APOB: variants seen among roughly 807,000 people sequenced by gnomAD.
APOB encodes the protein apolipoprotein B, also known as apolipoprotein B-100.
In APOB, 153 loss-of-function variants were observed where a neutral mutation model predicts 314.1. The observed-to-expected ratio is 0.49, with a 90% CI of 0.43 to 0.56. The LOEUF is 0.56. Among genes scored for constraint, APOB ranks in the 20% least tolerant of loss-of-function variants. APOB has a pLI of 0.00. For missense variants in APOB, 5,430 were observed against 5,350.7 expected, an observed-to-expected ratio of 1.01 and a Z score of -0.46; for synonymous variants, 2,087 against 2,036.4, an observed-to-expected ratio of 1.02 and a Z score of -0.67.
At position 21,002,583 on chromosome 2, in the gene APOB, G is replaced by A; in HGVS notation, c.12839C>T (p.Ala4280Val). The change falls in exon 29 of 29, where the codon GCC becomes GTC. Residue 4280 changes from alanine (A) to valine (V), a missense_variant. This residue lies in a region of APOB where 3,281 missense variants were observed against 3,171.0 expected (regional missense o/e 1.03). Transcript: ENST00000233242. ...RELLKDLSKE[A>V]QEVFKAIQSL... is the part of the protein sequence containing the mutation. Reference sequence around the variant, plus strand: ...CTGAATGGCTTTAAATACCTCTTGGGCTTCTTTTGATAAATCTTTCAACAG... The same window carrying A: ...CTGAATGGCTTTAAATACCTCTTGGACTTCTTTTGATAAATCTTTCAACAG... 1 of 1,613,980 alleles carries A rather than the reference G, an allele frequency of 6.2e-7. No homozygotes were observed. The highest frequency in any genetic ancestry group is 8.5e-7 in the Non-Finnish European group (1 of 1,179,942).
intron 5 of APOB, among the ~76,000 whole-genome samples, chr2:21,037,688 A>C (rs1664041026): frequency 6.6e-6 from 1 of 152,162 alleles, no homozygotes; most frequent in South Asian, 2.1e-4. Flanking sequence ...CAGGTGAAGC[A>C]TCAAACAAAA....
chr2:21,009,326 C>G lies in APOB; in HGVS notation c.7542G>C (p.Glu2514Asp). The G allele has an allele frequency of 6.2e-7, 1 of 1,614,066 alleles. No homozygotes were observed. The highest frequency in any genetic ancestry group is 8.5e-7 in the Non-Finnish European group (1 of 1,179,968). ...TTCGGTCTCGTGTATCTTCTAGGGT[C>G]TCTCGGAATTTGGCCTTCATGTGAG... Reference protein sequence around the residue: ...SLAHMKAKFRETLEDTRDRMY... With the variant: ...SLAHMKAKFRDTLEDTRDRMY... Residue 2514 changes from glutamate (E) to aspartate (D), a missense_variant, in exon 26 of 29, where the codon GAG becomes GAC. Physicochemically the swap from Glu to Asp is conservative, Grantham distance 45. This residue lies in a region of APOB where 3,281 missense variants were observed against 3,171.0 expected (regional missense o/e 1.03). Transcript: ENST00000233242.
chr2:21,024,692 A>G, intron 16 of APOB: 5 of 667,128 alleles, frequency 7.5e-6, no homozygotes, highest in Non-Finnish European at 1.4e-5. Flanking sequence ...TGTTTTCCAG[A>G]TGAATAAATT....
In APOB at chr2:21,011,132, A is replaced by G. The variant is rs762679672; in HGVS notation, c.5736T>C (p.Asn1912=). Reference sequence around the variant, plus strand: ...CCCAGAGAGCGAGTTTCCCATTGCCATTTGTATGTGCATCGATGGTCATGG... The same window carrying G: ...CCCAGAGAGCGAGTTTCCCATTGCCGTTTGTATGTGCATCGATGGTCATGG... ...PFTMTIDAHT[N]GNGKLALWGE... is the part of the protein sequence containing the mutation. The change falls in exon 26 of 29, where the codon AAT becomes AAC. Residue 1912 remains asparagine, a synonymous_variant. Coordinates refer to ENST00000233242, the MANE Select transcript of APOB (RefSeq NM_000384.3). 1.2e-6 allele frequency: 2 copies of G among 1,614,072 alleles called. No homozygotes were observed. The highest frequency in any genetic ancestry group is 1.7e-6 in the Non-Finnish European group (2 of 1,180,030).
At chr2:21,017,269 G>A (rs74822389) in intron 20 of APOB, among the ~76,000 whole-genome samples, 2 of 152,064 alleles carry the variant, frequency 1.3e-5, no homozygotes, top group African/African-American at 4.8e-5. Flanking sequence ...CACTGCTCTT[G>A]GTACTGGGGA....
rs149166048 is a variant in APOB at position 21,007,375 on chromosome 2, T to C, written c.9493A>G (p.Thr3165Ala). 1.9e-5 allele frequency: 30 copies of C among 1,613,970 alleles called. No homozygotes were observed. Among genetic ancestry groups the C allele is most frequent in the Middle Eastern group, 3.3e-4 (2 of 6,084 alleles). ...KTGLKEFLKT[T>A]KQSFDLSVKA... ...ACACTTAAATCAAATGATTGCTTTG[T>C]CGTTTTCAAGAATTCCTTCAAGCCT... The change falls in exon 26 of 29, where the codon ACA becomes GCA. Residue 3165 changes from threonine to alanine, a missense_variant. Physicochemically the swap from Thr to Ala is moderately conservative, Grantham distance 58. This residue lies in a region of APOB where 3,281 missense variants were observed against 3,171.0 expected (regional missense o/e 1.03). Transcript: ENST00000233242.
chr2:21,040,863 G>A, intron 4 of APOB, 75 bp downstream of exon 4: 1 of 1,528,090 alleles, frequency 6.5e-7, no homozygotes, highest in South Asian at 1.1e-5. Flanking sequence ...TCACATCCGT[G>A]CCTGGTGCAA....
chr2:21,043,068 G>A (rs988192023), intron 2 of APOB, among the ~76,000 whole-genome samples: 3 of 148,756 alleles, frequency 2.0e-5, no homozygotes, highest in Admixed American at 1.4e-4. Flanking sequence ...AGTCCGCCCC[G>A]CGGCTCCAGC....
rs530288117 is a variant in APOB, at chr2:21,040,523, C to T, written c.383+415G>A. Among the ~76,000 whole-genome samples the T allele has an allele frequency of 1.4e-4, 21 of 152,290 alleles. No homozygotes were observed. The South Asian group carries it at 2.7e-3, about 20-fold the overall frequency. On this transcript the variant is annotated intron_variant, in intron 4 of 28. Transcript: ENST00000233242. ...ATGCCAGCCTAGGAGGGGGAGCCACCGAAGCCTTGGTGCTCCTCTGCCCTG... is the reference window on the plus strand; with the variant it reads ...ATGCCAGCCTAGGAGGGGGAGCCACTGAAGCCTTGGTGCTCCTCTGCCCTG...
In APOB at chr2:21,032,408, G is replaced by T. The variant is rs13306190; in HGVS notation, c.1298C>A (p.Ala433Glu). The T allele has an allele frequency of 6.2e-7, 1 of 1,614,004 alleles. No homozygotes were observed. The highest frequency in any genetic ancestry group is 8.5e-7 in the Non-Finnish European group (1 of 1,180,032). ...AQQLREIFNMARDQRSRATLY... is the reference protein window; with the variant it reads ...AQQLREIFNMERDQRSRATLY... ...GGTGGCTCGGCTGCGCTGATCCCTC[G>T]CCATGTTGAAGATCTCTCGCAGCTG... Residue 433 changes from alanine to glutamate, a missense_variant, in exon 10 of 29, where the codon GCG becomes GAG. Ala to Glu is a moderately radical substitution (Grantham distance 107). Transcript: ENST00000233242.
At chr2:21,016,340 G>C (rs1558567481) in intron 21 of APOB, 99 bp downstream of exon 21, 3 of 728,844 alleles carry the variant, frequency 4.1e-6, no homozygotes, top group East Asian at 5.2e-5. Flanking sequence ...TGTAGACTAG[G>C]GGAGAACATG....
At chr2:21,038,423 A>T (rs1045422697) in intron 4 of APOB, among the ~76,000 whole-genome samples, 6 of 151,400 alleles carry the variant, frequency 4.0e-5, no homozygotes, top group Admixed American at 6.6e-5. Context: ...TGCAACCTCC[A>T]CCTCCTGGGA....
In APOB at chr2:21,016,655, C is replaced by T. The variant is rs72653071; in HGVS notation, c.3122-6G>A. The T allele has an allele frequency of 1.1e-3, 1,745 of 1,573,376 alleles. 4 individuals carry two copies. Among genetic ancestry groups the T allele is most frequent in the South Asian group, 1.6e-3 (146 of 90,302 alleles). On this transcript the variant is annotated splice_region_variant and splice_polypyrimidine_tract_variant and intron_variant, in intron 20 of 28. Transcript: ENST00000233242. Reference sequence around the variant, plus strand: ...AGCCTCAGTCTGCTTCGCACCTGGACGAGTGTATAAGAGAATCAAGAGATG... The same window carrying T: ...AGCCTCAGTCTGCTTCGCACCTGGATGAGTGTATAAGAGAATCAAGAGATG...
intron 15 of APOB, 109 bp from the exon 16 acceptor site, chr2:21,025,233 TC>T: frequency 1.9e-6 from 2 of 1,075,298 alleles, no homozygotes; most frequent in Non-Finnish European, 2.8e-6. Flanking sequence ...TAAAAAATGC[TC>T]CAGGTGAGGA....
In APOB at chr2:21,002,909, C is replaced by T; in HGVS notation, c.12513G>A (p.Val4171=). Residue 4171 remains valine (V), a synonymous_variant, in exon 29 of 29, where the codon GTG becomes GTA. Coordinates refer to ENST00000233242, the MANE Select transcript of APOB (RefSeq NM_000384.3). ...QASFQGLKDN[V]FDGLVRVTQE... Reference sequence around the variant, plus strand: ...GAGTAACTCGTACCAAGCCATCAAACACGTTATCCTTGAGTCCCTGGAAAC... The same window carrying T: ...GAGTAACTCGTACCAAGCCATCAAATACGTTATCCTTGAGTCCCTGGAAAC... The T allele has an allele frequency of 6.2e-7, 1 of 1,613,748 alleles. No individual in the cohort carries two copies. Among genetic ancestry groups the T allele is most frequent in the Non-Finnish European group, 8.5e-7 (1 of 1,179,868 alleles).
At chr2:21,041,355 T>C (rs1664128564) in intron 3 of APOB, among the ~76,000 whole-genome samples, 2 of 152,210 alleles carry the variant, frequency 1.3e-5, no homozygotes, top group South Asian at 4.1e-4. Context: ...TGTCCTTTTA[T>C]TGGTTCTAAA....
chr2:21,029,942 C>A lies in APOB; in HGVS notation c.1426G>T (p.Asp476Tyr). ...IANYLMEQIQ[D>Y]DCTGDEDYTY... The stretch of plus-strand genomic sequence containing the variant: ...TAATCTTCATCCCCAGTGCAGTCAT[C>A]TTGAATCTGTTCCATCAGGTAATTA... Residue 476 changes from aspartate (D) to tyrosine (Y), a missense_variant, in exon 11 of 29, where the codon GAT becomes TAT. Around this residue, in one of 3 missense-constraint regions of APOB, gnomAD observed 2,085 missense variants for 2,079.7 expected, o/e 1.00. Coordinates refer to ENST00000233242, the MANE Select transcript of APOB (RefSeq NM_000384.3). 1 of 1,614,118 alleles carries A rather than the reference C, an allele frequency of 6.2e-7. No homozygotes were observed. The highest frequency in any genetic ancestry group is 8.5e-7 in the Non-Finnish European group (1 of 1,179,994).
chr2:21,010,924 T>C lies in APOB; in HGVS notation c.5944A>G (p.Lys1982Glu). 1 of 1,614,142 alleles carries C rather than the reference T, an allele frequency of 6.2e-7. No individual in the cohort carries two copies. The highest frequency in any genetic ancestry group is 8.5e-7 in the Non-Finnish European group (1 of 1,180,002). The change falls in exon 26 of 29, where the codon AAA becomes GAA. Residue 1982 changes from lysine to glutamate, a missense_variant. By Grantham distance (56) the Lys-to-Glu change is moderately conservative. Transcript: ENST00000233242. ...TTGTTGTTAAATTGGGTCTTGAGTT[T>C]CCAGGTGCCTGTCTGCTCAGCTGGA... ...LTPAEQTGTWKLKTQFNNNEY... is the reference protein window; with the variant it reads ...LTPAEQTGTWELKTQFNNNEY...
intron 15 of APOB, among the ~76,000 whole-genome samples, chr2:21,025,935 A>T (rs553864456): frequency 2.6e-4 from 40 of 152,336 alleles, no homozygotes; most frequent in Admixed American, 9.8e-4. Context: ...GCTAGCTTCA[A>T]AGTGGAAGTT....
Sources: allele counts gnomAD v4.1 joint callset (sites outside exome capture counted in the v4.1 genomes callset), GRCh38; gene constraint gnomAD v4.1.1; regional missense constraint gnomAD v4.1.1; transcripts MANE v1.5; gene names NCBI Gene and HGNC (gene_info 2026-07-23, HGNC 2026-07-21).